The following APBA1 variants were observed in gnomAD, a reference collection of about 807,000 sequenced individuals.
APBA1 encodes amyloid-beta A4 precursor protein-binding family A member 1.
A neutral mutation model predicts 86.6 loss-of-function variants in APBA1; 55 were observed. The observed-to-expected ratio is 0.64, with a 90% CI of 0.51 to 0.80. APBA1 has a LOEUF of 0.80. Among genes scored for constraint, APBA1 ranks in the 30% least tolerant of loss-of-function variants. APBA1 has a pLI of 0.00. For missense variants in APBA1, 1,090 were observed against 1,183.0 expected (o/e 0.92, Z 1.15); for synonymous variants, 511 against 493.9 (o/e 1.03, Z -0.46).
At chr9:69,500,066 T>C (rs143769891) in intron 2 of APBA1, among the ~76,000 whole-genome samples, 82 of 152,262 alleles carry the variant, frequency 5.4e-4, no homozygotes, top group African/African-American at 1.8e-3. Context: ...TAGTTTGATT[T>C]AATCAGACCA....
chr9:69,473,612 AC>A (rs755160226), intron 3 of APBA1, among the ~76,000 whole-genome samples: 9 of 152,230 alleles, frequency 5.9e-5, no homozygotes, highest in Non-Finnish European at 1.3e-4. Context: ...TAAGAGCTAC[AC>A]CAACATGGCA....
chr9:69,648,123 C>T (rs750791129), intron 1 of APBA1, among the ~76,000 whole-genome samples: 20 of 152,266 alleles, frequency 1.3e-4, no homozygotes, highest in South Asian at 4.1e-4. Context: ...AAGTGAAGAG[C>T]GTGGTTAAGA....
chr9:69,513,766 C>T lies in APBA1; in HGVS notation c.1200+2245G>A, dbSNP rs558762196. 1.3e-4 allele frequency among the ~76,000 whole-genome samples: 20 copies of T among 152,268 alleles called. No homozygotes were observed. The South Asian group carries it at 1.9e-3, about 14-fold the overall frequency. On this transcript the variant is annotated intron_variant, in intron 2 of 12. Transcript: ENST00000265381. The stretch of plus-strand genomic sequence containing the variant: ...GGCTAACAGAAAATGCTGACTATTC[C>T]TTAAAGAGGAGGTGAATGCTACCAC...
intron 8 of APBA1, among the ~76,000 whole-genome samples, chr9:69,454,881 G>A (rs1364876446): frequency 1.3e-5 from 2 of 152,054 alleles, no homozygotes; most frequent in South Asian, 2.1e-4. Context: ...CATTTTCCCC[G>A]TTTGCATGTT....
chr9:69,449,766 G>C lies in APBA1; in HGVS notation c.1999C>G (p.Leu667Val), dbSNP rs368225294. The C allele has an allele frequency of 1.0e-4, 169 of 1,612,300 alleles. No individual in the cohort carries two copies. Among genetic ancestry groups the C allele is most frequent in the Non-Finnish European group, 1.4e-4 (167 of 1,178,728 alleles). Reference protein sequence around the residue: ...VFIEKQKGEILGVVIVESGWG... With the variant: ...VFIEKQKGEIVGVVIVESGWG... ...CCAGACTCCACAATCACCACACCTA[G>C]GATTTCTCCTTTCTGCTTCTCTATG... Residue 667 changes from leucine to valine, a missense_variant, in exon 10 of 13, where the codon CTA (leucine) becomes GTA (valine). Leu to Val is a conservative substitution (Grantham distance 32). This residue lies in a region of APBA1 where 97 missense variants were observed against 166.8 expected (regional missense o/e 0.58). Transcript: ENST00000265381.
intron 1 of APBA1, among the ~76,000 whole-genome samples, chr9:69,576,051 A>T (rs1241686415): frequency 6.6e-6 from 1 of 152,260 alleles, no homozygotes; most frequent in African/African-American, 2.4e-5. Context: ...GGTGAAGGAT[A>T]TGAACAGACA....
chr9:69,581,692 G>A lies in APBA1; in HGVS notation c.-69-64413C>T, dbSNP rs370105243. Among the ~76,000 whole-genome samples the A allele has an allele frequency of 5.9e-5, 9 of 152,276 alleles. No homozygotes were observed. The East Asian group carries it at 1.4e-3, about 23-fold the overall frequency. ...ACTGACAATGCCCTAGGGAATAAGC[G>A]GGGCATGGGGGAAGGACTATTGCAC... On this transcript the variant is annotated intron_variant, in intron 1 of 12. Coordinates refer to ENST00000265381, the MANE Select transcript of APBA1 (RefSeq NM_001163.4).
chr9:69,573,961 C>A (rs1214741931), intron 1 of APBA1, among the ~76,000 whole-genome samples: 1 of 152,218 alleles, frequency 6.6e-6, no homozygotes, highest in Non-Finnish European at 1.5e-5. Flanking sequence ...AGTTATGACA[C>A]CTTCTTTGAA....
At chr9:69,657,124 C>A (rs1033417876) in intron 1 of APBA1, among the ~76,000 whole-genome samples, 4 of 152,108 alleles carry the variant, frequency 2.6e-5, no homozygotes, top group African/African-American at 9.7e-5. Flanking sequence ...GGATTACAGG[C>A]GTGAGCCACC....
chr9:69,640,514 A>G (rs1823265959), intron 1 of APBA1, among the ~76,000 whole-genome samples: 1 of 152,006 alleles, frequency 6.6e-6, no homozygotes, highest in Non-Finnish European at 1.5e-5. Context: ...TGACTCTGTA[A>G]TATTAATAAT....
At chr9:69,501,523 T>G (rs960188715) in intron 2 of APBA1, among the ~76,000 whole-genome samples, 138 of 152,002 alleles carry the variant, frequency 9.1e-4, no homozygotes, top group African/African-American at 3.1e-3. Flanking sequence ...TATGAGTGGC[T>G]GGGCATGGTG....
At chr9:69,474,953 C>T (rs545292796) in intron 3 of APBA1, among the ~76,000 whole-genome samples, 4 of 152,248 alleles carry the variant, frequency 2.6e-5, no homozygotes, top group African/African-American at 9.6e-5. Flanking sequence ...AGGAAACCAT[C>T]GTTCATCATG....
chr9:69,481,827 A>T (rs1190376746), intron 2 of APBA1, among the ~76,000 whole-genome samples: 1 of 151,968 alleles, frequency 6.6e-6, no homozygotes, highest in Non-Finnish European at 1.5e-5. Flanking sequence ...CATGTCTACA[A>T]CTATCTGATC....
At chr9:69,621,530 C>T (rs186531146) in intron 1 of APBA1, among the ~76,000 whole-genome samples, 9 of 152,268 alleles carry the variant, frequency 5.9e-5, no homozygotes, top group African/African-American at 1.4e-4. Flanking sequence ...CAGACTGCTC[C>T]GGTTCAAGTC....
chr9:69,623,671 C>A (rs955464658), intron 1 of APBA1, among the ~76,000 whole-genome samples: 3 of 152,168 alleles, frequency 2.0e-5, no homozygotes, highest in Non-Finnish European at 4.4e-5. Flanking sequence ...TTCCTAAACT[C>A]CAAACTTTGG....
In APBA1 at chr9:69,471,895, C is replaced by T. The variant is rs533707063; in HGVS notation, c.1297-200G>A. ...TACCTAAAACCCAGAATAGTCCATT[C>T]ATATTTTAGATAATCTAGAAATCTT... is the stretch of plus-strand genomic sequence containing the variant. On this transcript the variant is annotated intron_variant, in intron 3 of 12. Coordinates refer to ENST00000265381, the MANE Select transcript of APBA1 (RefSeq NM_001163.4). 2.6e-5 allele frequency among the ~76,000 whole-genome samples: 4 copies of T among 152,318 alleles called. No homozygotes were observed. In the South Asian group the frequency reaches 8.3e-4, roughly 32 times the overall value.
At chr9:69,565,808 C>A (rs986637658) in intron 1 of APBA1, among the ~76,000 whole-genome samples, 1 of 152,218 alleles carries the variant, frequency 6.6e-6, no homozygotes, top group Non-Finnish European at 1.5e-5. Flanking sequence ...TTCTCCTCCC[C>A]TGTCTTTGCT....
At chr9:69,542,544 C>T (rs1449467350) in intron 1 of APBA1, among the ~76,000 whole-genome samples, 1 of 152,164 alleles carries the variant, frequency 6.6e-6, no homozygotes, top group East Asian at 1.9e-4. Flanking sequence ...ATCTTGGTTG[C>T]TTCAAAGTTT....
chr9:69,664,037 AC>A (rs757799531), intron 1 of APBA1, among the ~76,000 whole-genome samples: 2 of 152,194 alleles, frequency 1.3e-5, no homozygotes, highest in African/African-American at 2.4e-5. Context: ...AAAGAGAGAA[AC>A]CATGAAAAAA....
Sources: gnomAD v4.1 joint callset for allele counts (sites outside exome capture counted in the v4.1 genomes callset) on GRCh38, gnomAD v4.1.1 for gene constraint, gnomAD v4.1.1 regional missense constraint, MANE v1.5 for transcripts, NCBI Gene and HGNC (gene_info 2026-07-23, HGNC 2026-07-21) for gene names.